DCAF10: variants seen among roughly 807,000 people sequenced by gnomAD.
The protein encoded by DCAF10 is DDB1 and CUL4 associated factor 10.
DCAF10 carries 19 observed loss-of-function variants against 51.9 expected under a neutral mutation model. The ratio of observed to expected loss-of-function variants is 0.37; its 90% CI spans 0.26 to 0.54. The LOEUF is 0.54. Among genes scored for constraint, DCAF10 ranks in the 20% least tolerant of loss-of-function variants. The pLI, the probability that DCAF10 is intolerant of heterozygous loss-of-function variation, is 0.87. For synonymous variants in DCAF10, 291 were observed against 297.1 expected, an observed-to-expected ratio of 0.98 and a Z score of 0.21; for missense variants, 510 against 730.6, an observed-to-expected ratio of 0.70 and a Z score of 3.48.
intron 2 of DCAF10, among the ~76,000 whole-genome samples, chr9:37,824,721 A>G (rs891408302): frequency 1.3e-5 from 2 of 152,108 alleles, no homozygotes; most frequent in Non-Finnish European, 2.9e-5. Flanking sequence ...CTGTTGCTCT[A>G]TTGATATATG....
chr9:37,850,870 A>ATATG lies in DCAF10; in HGVS notation c.852-3907_852-3906insGTAT, dbSNP rs1554690024. ...TATATATATATATATATATATATAT[A>ATATG]TATATATATATAAATTAGCTTGATT... On this transcript the variant is annotated intron_variant, in intron 3 of 6. Transcript: ENST00000377724. Among the ~76,000 whole-genome samples the ATATG allele has an allele frequency of 2.9e-4, 24 of 83,574 alleles. 1 individual carries two copies. Among genetic ancestry groups the ATATG allele is most frequent in the South Asian group, 2.3e-3 (6 of 2,570 alleles). 54.8% of individuals were successfully genotyped at this position (83,574 alleles called of 152,430 possible).
chr9:37,849,604 C>T (rs1249371774), intron 3 of DCAF10, among the ~76,000 whole-genome samples: 1 of 152,000 alleles, frequency 6.6e-6, no homozygotes, highest in Non-Finnish European at 1.5e-5. Context: ...AAAACATGGC[C>T]AGGCACGGTG....
rs373305184 is a variant in DCAF10, at chr9:37,856,679, T to C, written c.1055-562T>C. Among the ~76,000 whole-genome samples the C allele has an allele frequency of 4.6e-5, 7 of 152,242 alleles. 1 individual carries two copies. Among genetic ancestry groups the C allele is most frequent in the Admixed American group, 4.6e-4 (7 of 15,294 alleles). On this transcript the variant is annotated intron_variant, in intron 4 of 6. Coordinates refer to ENST00000377724, the MANE Select transcript of DCAF10 (RefSeq NM_024345.5). The stretch of plus-strand genomic sequence containing the variant: ...TATTCACATAAACTTGGCACAGTGG[T>C]GCATGCCTTTAGGCCCAGCTACTCA...
chr9:37,860,267 G>C, intron 6 of DCAF10, 74 bp downstream of exon 6: 1 of 1,573,754 alleles, frequency 6.4e-7, no homozygotes, highest in Non-Finnish European at 8.7e-7. Flanking sequence ...CAGAGCTTAG[G>C]CCGATCGCTG....
intron 1 of DCAF10, among the ~76,000 whole-genome samples, chr9:37,817,598 A>C (rs1490062432): frequency 3.4e-5 from 4 of 115,948 alleles, no homozygotes; most frequent in African/African-American, 1.1e-4. Flanking sequence ...ACTTCGTCTC[A>C]GAAAAAAAGA....
chr9:37,825,775 T>C (rs1234772550), intron 2 of DCAF10, among the ~76,000 whole-genome samples: 2 of 152,092 alleles, frequency 1.3e-5, no homozygotes, highest in South Asian at 2.1e-4. Flanking sequence ...TCCCAGCACT[T>C]TGGGAGGCGG....
At position 37,861,759 on chromosome 9, in the gene DCAF10, C is replaced by G; in HGVS notation, c.*251C>G. 1 of 386,584 alleles carries G rather than the reference C, an allele frequency of 2.6e-6. No individual in the cohort carries two copies. The highest frequency in any genetic ancestry group is 4.6e-6 in the Non-Finnish European group (1 of 215,310). 23.9% of individuals were successfully genotyped at this position (386,584 alleles called of 1,614,324 possible). ...TCCTGCTGATCTGTGCCACTGAACT[C>G]CAGTTCTTCTGGTCATTTTGCATGG... is the stretch of plus-strand genomic sequence containing the variant. On this transcript the variant is annotated 3_prime_UTR_variant, in exon 7 of 7. Coordinates refer to ENST00000377724, the MANE Select transcript of DCAF10 (RefSeq NM_024345.5). This position sits in a 1 kb window ranked among gnomAD's most constrained non-coding sequence, Gnocchi z 4.9.
chr9:37,821,090 C>CATATATATATATAT (rs144524647), intron 2 of DCAF10, among the ~76,000 whole-genome samples: 3 of 150,334 alleles, frequency 2.0e-5, no homozygotes, highest in African/African-American at 7.4e-5. Flanking sequence ...CATATACAAA[C>CATATATATATATAT]ATATATATAT....
Position 37,842,140 on chromosome 9 carries a change from A to G in DCAF10, c.705A>G (p.Ala235=). 1 of 1,613,962 alleles carries G rather than the reference A, an allele frequency of 6.2e-7. No individual in the cohort carries two copies. The highest frequency in any genetic ancestry group is 1.1e-5 in the South Asian group (1 of 91,080). ...FATCSDDTTI[A]LWDLRKLNTK... Reference sequence around the variant, plus strand: ...CCTGCTCTGATGACACTACAATAGCACTATGGGATCTGAGAAAATTGAACA... The same window carrying G: ...CCTGCTCTGATGACACTACAATAGCGCTATGGGATCTGAGAAAATTGAACA... Residue 235 remains alanine (A), a synonymous_variant, in exon 3 of 7, where the codon GCA becomes GCG. Transcript: ENST00000377724.
chr9:37,817,003 A>G (rs899238633), intron 1 of DCAF10, among the ~76,000 whole-genome samples: 1 of 152,160 alleles, frequency 6.6e-6, no homozygotes, highest in African/African-American at 2.4e-5. Context: ...CCACATAGCA[A>G]ATATATCATA....
At chr9:37,839,673 G>A (rs957391242) in intron 2 of DCAF10, among the ~76,000 whole-genome samples, 2 of 152,102 alleles carry the variant, frequency 1.3e-5, no homozygotes, top group African/African-American at 4.8e-5. Flanking sequence ...GGCACCATCC[G>A]CTCACATGCC....
chr9:37,813,846 T>G (rs1046210774), intron 1 of DCAF10, among the ~76,000 whole-genome samples: 2 of 151,882 alleles, frequency 1.3e-5, no homozygotes, highest in Non-Finnish European at 2.9e-5. Context: ...TATTTGAAAC[T>G]GAATGATGAA....
At chr9:37,830,787 T>G (rs963673377) in intron 2 of DCAF10, among the ~76,000 whole-genome samples, 2 of 152,238 alleles carry the variant, frequency 1.3e-5, no homozygotes, top group Non-Finnish European at 2.9e-5. Context: ...GCTATTAGAA[T>G]GTATTATTTA....
chr9:37,832,926 T>C (rs1830049704), intron 2 of DCAF10, among the ~76,000 whole-genome samples: 2 of 152,228 alleles, frequency 1.3e-5, no homozygotes, highest in Non-Finnish European at 2.9e-5. Flanking sequence ...CTCTGTTACC[T>C]AGACTAGGCT....
rs1455179416 is a variant in DCAF10 at position 37,865,335 on chromosome 9, C to T, written c.*3827C>T. On this transcript the variant is annotated 3_prime_UTR_variant, in exon 7 of 7. Coordinates refer to ENST00000377724, the MANE Select transcript of DCAF10 (RefSeq NM_024345.5). ...GCAAACTCAAAAGAACCTTTGTCCT[C>T]CTTGAGATATGGTGATGATCAAAAA... 7 of 152,140 alleles carry T rather than the reference C, an allele frequency of 4.6e-5. No homozygotes were observed. In the East Asian group the frequency reaches 1.2e-3, roughly 25 times the overall value. 9.4% of individuals were successfully genotyped at this position (152,140 alleles called of 1,614,324 possible). A position where few individuals can be genotyped will look rare whatever the true frequency, so the allele number is the denominator to read the frequency against.
intron 6 of DCAF10, 190 bp downstream of exon 6, chr9:37,860,383 C>T: frequency 1.6e-6 from 1 of 642,582 alleles, no homozygotes; most frequent in South Asian, 3.5e-5. Context: ...CTTCCAAACT[C>T]TTCTTATTCC....
intron 3 of DCAF10, among the ~76,000 whole-genome samples, 158 bp from the exon 4 acceptor site, chr9:37,854,622 A>C (rs966323269): frequency 2.0e-5 from 3 of 152,142 alleles, no homozygotes. Flanking sequence ...CAATATTAAT[A>C]CCCTAGAACT....
chr9:37,847,253 CAAAA>C (rs78089886), intron 3 of DCAF10, among the ~76,000 whole-genome samples: 1,967 of 32,546 alleles, frequency 0.06, 16 homozygotes, highest in African/African-American at 0.19. Context: ...AACTCCATCT[CAAAA>C]AAAAAAAAAA....
chr9:37,814,298 C>T (rs1386325734), intron 1 of DCAF10, among the ~76,000 whole-genome samples: 6 of 141,090 alleles, frequency 4.3e-5, no homozygotes, highest in Admixed American at 2.8e-4. Flanking sequence ...GCCACCACGC[C>T]GGCTTTTTTT....
Sources: gnomAD v4.1 joint callset for allele counts (sites outside exome capture counted in the v4.1 genomes callset) on GRCh38, gnomAD v4.1.1 for gene constraint, Gnocchi (gnomAD v3.1) non-coding constraint, MANE v1.5 for transcripts, NCBI Gene and HGNC (gene_info 2026-07-23, HGNC 2026-07-21) for gene names.